DDHD1: variants seen among roughly 807,000 people sequenced by gnomAD.
DDHD1 encodes DDHD domain containing 1.
DDHD1 carries 49 observed loss-of-function variants against 96.4 expected under a neutral mutation model. That is an observed-to-expected ratio of 0.51 (90% CI 0.40 to 0.64). The LOEUF (loss-of-function observed/expected upper bound fraction) is 0.64, where lower values mean the gene tolerates loss of function less well. Ranked by LOEUF, DDHD1 falls within the 30% of genes least tolerant of loss-of-function variation. The pLI is 0.00. For synonymous variants in DDHD1, 442 were observed against 446.5 expected, an observed-to-expected ratio of 0.99 and a Z score of 0.13; for missense variants, 1,106 against 1,161.2, an observed-to-expected ratio of 0.95 and a Z score of 0.69.
At position 53,073,656 on chromosome 14, in the gene DDHD1, C is replaced by T. The variant is rs148091377; in HGVS notation, c.1396+85G>A. On this transcript the variant is annotated intron_variant, in intron 5 of 12. Transcript: ENST00000673822. ...TTGAAGACACTACATTCTCAATTAA[C>T]AAAAAGTGTTTTCTAAAACTTTCTG... is the stretch of plus-strand genomic sequence containing the variant. 0.01 allele frequency: 11,572 copies of T among 1,129,028 alleles called. 92 individuals carry two copies. Among genetic ancestry groups the T allele is most frequent in the Non-Finnish European group, 0.011 (8,598 of 776,900 alleles). 69.9% of individuals were successfully genotyped at this position (1,129,028 alleles called of 1,614,324 possible). A position where few individuals can be genotyped will look rare whatever the true frequency, so the allele number is the denominator to read the frequency against.
At position 53,046,891 on chromosome 14, in the gene DDHD1, A is replaced by G; in HGVS notation, c.2580T>C (p.Tyr860=). 2 of 1,613,704 alleles carry G rather than the reference A, an allele frequency of 1.2e-6. No individual in the cohort carries two copies. The highest frequency in any genetic ancestry group is 8.5e-7 in the Non-Finnish European group (1 of 1,179,770). Reference sequence around the variant, plus strand: ...CAGTATGCGACGTGACAGCTGACCAATAGCGGCTCTCCACAAGGCCTTCTC... The same window carrying G: ...CAGTATGCGACGTGACAGCTGACCAGTAGCGGCTCTCCACAAGGCCTTCTC... ...ELREGLVESR[Y]WSAVTSHTAY... is the part of the protein sequence containing the mutation. Residue 860 remains tyrosine (Y), a synonymous_variant, in exon 13 of 13, where the codon TAT becomes TAC. Transcript: ENST00000673822.
chr14:53,105,174 T>C (rs1887592333), intron 1 of DDHD1, among the ~76,000 whole-genome samples: 1 of 152,096 alleles, frequency 6.6e-6, no homozygotes, highest in Non-Finnish European at 1.5e-5. Flanking sequence ...TATTTTCTCT[T>C]TGTAAAAATG....
chr14:53,152,303 C>T lies in DDHD1; in HGVS notation c.796G>A (p.Val266Met). Residue 266 changes from valine to methionine, a missense_variant, in exon 1 of 13, where the codon GTG (valine) becomes ATG (methionine). Transcript: ENST00000673822. ...PVCVRGGLYE[V>M]DVTQGECYPV... is the part of the protein sequence containing the mutation. ...TAGCACTCTCCTTGGGTCACATCCA[C>T]CTCGTAGAGGCCGCCCCGCACGCAC... The T allele has an allele frequency of 6.2e-7, 1 of 1,613,664 alleles. No homozygotes were observed.
At chr14:53,142,802 C>T (rs1171933498) in intron 1 of DDHD1, among the ~76,000 whole-genome samples, 1 of 152,164 alleles carries the variant, frequency 6.6e-6, no homozygotes, top group Non-Finnish European at 1.5e-5. Context: ...AGAAACCAGA[C>T]AAAAATCACA....
In DDHD1 at chr14:53,103,858, T is replaced by C; in HGVS notation, c.839-2A>G. The C allele has an allele frequency of 1.3e-6, 2 of 1,587,758 alleles. No homozygotes were observed. Among genetic ancestry groups the C allele is most frequent in the Non-Finnish European group, 1.7e-6 (2 of 1,171,378 alleles). On this transcript the variant is annotated splice_acceptor_variant, in intron 1 of 12. Coordinates refer to ENST00000673822, the MANE Select transcript of DDHD1 (RefSeq NM_001160148.2). LOFTEE classifies it high-confidence loss of function. ...GCATTACTGGTATTTTATCAGCCTC[T>C]GAAAAAGAGAAATCACAGAATTATA...
chr14:53,058,448 GA>G lies in DDHD1; in HGVS notation c.1992+28del, dbSNP rs753312536. The G allele has an allele frequency of 3.2e-6, 5 of 1,576,070 alleles. No individual in the cohort carries two copies. In the South Asian group the frequency reaches 3.6e-5, roughly 11 times the overall value. ...CTTTTTAGGAACAATTTGACATTGA[GA>G]AAAAAAAGAGTCTATATTGCAACTC... On this transcript the variant is annotated intron_variant, in intron 9 of 12. Coordinates refer to ENST00000673822, the MANE Select transcript of DDHD1 (RefSeq NM_001160148.2).
chr14:53,124,249 T>TTATATATATATATATATATA lies in DDHD1; in HGVS notation c.839-20394_839-20393insTATATATATATATATATATA, dbSNP rs35996453. Among the ~76,000 whole-genome samples the TTATATATATATATATATATA allele has an allele frequency of 3.4e-3, 505 of 146,424 alleles. 5 individuals carry two copies. The highest frequency in any genetic ancestry group is 0.012 in the African/African-American group (481 of 38,654). ...AAACTCTGTCTCAAAAAAAAAAAAA[T>TTATATATATATATATATATA]TATATATATATATATGGTTAAAAAT... On this transcript the variant is annotated intron_variant, in intron 1 of 12. Coordinates refer to ENST00000673822, the MANE Select transcript of DDHD1 (RefSeq NM_001160148.2).
At chr14:53,052,250 T>A (rs1882655640) in intron 11 of DDHD1, among the ~76,000 whole-genome samples, 1 of 151,994 alleles carries the variant, frequency 6.6e-6, no homozygotes, top group Non-Finnish European at 1.5e-5. Flanking sequence ...AGTCTAGACT[T>A]TTCAAAAGAA....
At chr14:53,127,750 G>A (rs1281286586) in intron 1 of DDHD1, among the ~76,000 whole-genome samples, 1 of 152,242 alleles carries the variant, frequency 6.6e-6, no homozygotes, top group Non-Finnish European at 1.5e-5. Context: ...TGACTGGCAA[G>A]CTAACTCAAT....
At position 53,152,679 on chromosome 14, in the gene DDHD1, G is replaced by A. The variant is rs777331339; in HGVS notation, c.420C>T (p.Pro140=). The change falls in exon 1 of 13, where the codon CCC becomes CCT. Residue 140 remains proline, a synonymous_variant. Transcript: ENST00000673822. ...CAAGCCGGGTACGTTTCCTTTCCCC[G>A]GGGGACCCTCCTGTCGCGCCGCCGC... The part of the protein sequence containing the change: ...SGGGGATGGS[P]GERKRTRLGG... The A allele has an allele frequency of 1.2e-6, 2 of 1,612,392 alleles. No homozygotes were observed. Among genetic ancestry groups the A allele is most frequent in the Non-Finnish European group, 1.7e-6 (2 of 1,179,650 alleles).
intron 1 of DDHD1, among the ~76,000 whole-genome samples, chr14:53,109,080 G>C (rs1257230058): frequency 6.6e-6 from 1 of 152,148 alleles, no homozygotes; most frequent in African/African-American, 2.4e-5. Flanking sequence ...ATAATGGACG[G>C]TGTTACGGTG....
chr14:53,147,743 C>T (rs1361201614), intron 1 of DDHD1, among the ~76,000 whole-genome samples: 3 of 152,140 alleles, frequency 2.0e-5, no homozygotes, highest in Admixed American at 6.6e-5. Flanking sequence ...CTTTCCAGTC[C>T]AGGCTAGTGG....
chr14:53,094,835 T>G (rs1189001387), intron 2 of DDHD1, among the ~76,000 whole-genome samples: 1 of 102,642 alleles, frequency 9.7e-6, no homozygotes, highest in Non-Finnish European at 1.9e-5. Context: ...CACAGAGAGA[T>G]CCTGTCTCAA....
intron 4 of DDHD1, among the ~76,000 whole-genome samples, chr14:53,083,729 A>C (rs10149781): frequency 0.031 from 4,787 of 152,308 alleles, 251 homozygotes; most frequent in African/African-American, 0.11. Flanking sequence ...GAACTTAGGA[A>C]TGACAGCAAG....
At position 53,152,521 on chromosome 14, in the gene DDHD1, G is replaced by T; in HGVS notation, c.578C>A (p.Ala193Asp). 1 of 1,613,472 alleles carries T rather than the reference G, an allele frequency of 6.2e-7. No individual in the cohort carries two copies. The highest frequency in any genetic ancestry group is 2.2e-5 in the East Asian group (1 of 44,856). ...IGYDSLRIEL[A>D]FRTLLQTTGA... is the part of the protein sequence containing the mutation. ...CGTGGTCTGCAGCAGGGTCCGGAAG[G>T]CGAGCTCGATGCGGAGCGAGTCGTA... Residue 193 changes from alanine to aspartate, a missense_variant, in exon 1 of 13, where the codon GCC (alanine) becomes GAC (aspartate). This residue lies in a region of DDHD1 where 456 missense variants were observed against 402.4 expected (regional missense o/e 1.13). Coordinates refer to ENST00000673822, the MANE Select transcript of DDHD1 (RefSeq NM_001160148.2).
At chr14:53,131,272 C>G (rs764697844) in intron 1 of DDHD1, among the ~76,000 whole-genome samples, 12 of 152,130 alleles carry the variant, frequency 7.9e-5, no homozygotes, top group Non-Finnish European at 1.3e-4. Context: ...TGTATCCCCC[C>G]ACCTTAACCC....
chr14:53,146,831 A>G (rs1891018291), intron 1 of DDHD1, among the ~76,000 whole-genome samples: 1 of 152,200 alleles, frequency 6.6e-6, no homozygotes, highest in Non-Finnish European at 1.5e-5. Context: ...GTAACTATAA[A>G]AAAATTTTTC....
At chr14:53,145,510 A>G (rs1250355724) in intron 1 of DDHD1, among the ~76,000 whole-genome samples, 1 of 149,192 alleles carries the variant, frequency 6.7e-6, no homozygotes, top group African/African-American at 2.5e-5. Context: ...CTCAAAAAAA[A>G]AAAAAAAAAA....
chr14:53,152,759 A>ATCTGCC lies in DDHD1; in HGVS notation c.339_340insGGCAGA (p.Ser113_Ser114insGlyArg), dbSNP rs1566616072. Reference sequence around the variant, plus strand: ...TGCTGCGGCGGGTGCAGCGACAAGGAGCTGCCGCCGCCGCCGCTCTCACCC... The same window carrying ATCTGCC: ...TGCTGCGGCGGGTGCAGCGACAAGGATCTGCCGCTGCCGCCGCCGCCGCTCTCACCC... On this transcript the variant is annotated inframe_insertion, in exon 1 of 13. Coordinates refer to ENST00000673822, the MANE Select transcript of DDHD1 (RefSeq NM_001160148.2). 6.7e-7 allele frequency: 1 copy of ATCTGCC among 1,503,140 alleles called. No homozygotes were observed. Among genetic ancestry groups the ATCTGCC allele is most frequent in the Admixed American group, 2.1e-5 (1 of 47,114 alleles). 93.1% of individuals were successfully genotyped at this position (1,503,140 alleles called of 1,614,324 possible). A position where few individuals can be genotyped will look rare whatever the true frequency, so the allele number is the denominator to read the frequency against.
Sources: allele counts gnomAD v4.1 joint callset (sites outside exome capture counted in the v4.1 genomes callset), GRCh38; gene constraint gnomAD v4.1.1; regional missense constraint gnomAD v4.1.1; transcripts MANE v1.5; gene names NCBI Gene and HGNC (gene_info 2026-07-23, HGNC 2026-07-21).